LNPEP: variants seen among roughly 807,000 people sequenced by gnomAD.
LNPEP encodes the protein leucyl and cystinyl aminopeptidase.
A neutral mutation model predicts 120.6 loss-of-function variants in LNPEP; 64 were observed. The ratio of observed to expected loss-of-function variants is 0.53; its 90% CI spans 0.43 to 0.65. LNPEP has a LOEUF of 0.65. Ranked by LOEUF, LNPEP falls within the 30% of genes least tolerant of loss-of-function variation. The pLI, the probability that LNPEP is intolerant of heterozygous loss-of-function variation, is 0.00. For synonymous variants in LNPEP, 435 were observed against 425.4 expected (o/e 1.02, Z -0.28); for missense variants, 1,057 against 1,200.0 (o/e 0.88, Z 1.76).
In LNPEP at chr5:97,006,422, T is replaced by C. The variant is rs1198299238; in HGVS notation, c.1947-5T>C. The C allele has an allele frequency of 2.6e-6, 4 of 1,535,316 alleles. No homozygotes were observed. Among genetic ancestry groups the C allele is most frequent in the Non-Finnish European group, 3.6e-6 (4 of 1,122,642 alleles). On this transcript the variant is annotated splice_region_variant and splice_polypyrimidine_tract_variant and intron_variant, in intron 10 of 17. Transcript: ENST00000231368. ...AACTAATTTTCCAATGTTTTCTCTT[T>C]ACAGCTACCTGTGGCATATTCCACT...
At position 96,993,963 on chromosome 5, in the gene LNPEP, G is replaced by A. The variant is rs759290846; in HGVS notation, c.1399G>A (p.Ala467Thr). The change falls in exon 6 of 18, where the codon GCC (alanine) becomes ACC (threonine). Residue 467 changes from alanine to threonine, a missense_variant. Coordinates refer to ENST00000231368, the MANE Select transcript of LNPEP (RefSeq NM_005575.3). ...GACTAAAATCATTGCTCATGAGCTGGCCCACCAGGTATTAGCAACCAAGGC... is the reference window on the plus strand; with the variant it reads ...GACTAAAATCATTGCTCATGAGCTGACCCACCAGGTATTAGCAACCAAGGC... ...LVTKIIAHEL[A>T]HQWFGNLVTM... 9 of 1,613,480 alleles carry A rather than the reference G, an allele frequency of 5.6e-6. No homozygotes were observed. In the Admixed American group the frequency reaches 1.3e-4, roughly 24 times the overall value.
In LNPEP at chr5:96,993,853, T is replaced by C. The variant is rs758290092; in HGVS notation, c.1289T>C (p.Met430Thr). Residue 430 changes from methionine to threonine, a missense_variant, in exon 6 of 18, where the codon ATG (methionine) becomes ACG (threonine). Transcript: ENST00000231368. ...ATTCCTGACTTTGAAGCAGGAGCAA[T>C]GGAAAATTGGGGTTTGCTCACCTTC... ...VAIPDFEAGAMENWGLLTFRE... is the reference protein window; with the variant it reads ...VAIPDFEAGATENWGLLTFRE... The C allele has an allele frequency of 9.9e-6, 16 of 1,613,798 alleles. No homozygotes were observed. In the Middle Eastern group the frequency reaches 1.2e-3, roughly 117 times the overall value.
chr5:97,013,999 A>G (rs898451780), intron 12 of LNPEP, among the ~76,000 whole-genome samples, 168 bp downstream of exon 12: 3 of 152,204 alleles, frequency 2.0e-5, no homozygotes, highest in African/African-American at 7.2e-5. Flanking sequence ...TTTATAAAAC[A>G]TTAGCTACGA....
intron 1 of LNPEP, chr5:96,958,864 C>T (rs1411370191): frequency 7.8e-6 from 1 of 127,768 alleles, no homozygotes; most frequent in African/African-American, 3.0e-5. Flanking sequence ...GAGTCTCACT[C>T]TGTCACCAGG....
At chr5:97,008,334 C>CTTTTTTTTTTTTTTTTTTTTT (rs1561450377) in intron 11 of LNPEP, among the ~76,000 whole-genome samples, 1 of 48,654 alleles carries the variant, frequency 2.1e-5, no homozygotes, top group African/African-American at 8.2e-5. Context: ...TTTGTTTTTT[C>CTTTTTTTTTTTTTTTTTTTTT]TTGTTTTTTT....
chr5:96,998,109 A>C lies in LNPEP; in HGVS notation c.1617A>C (p.Gln539His). 7.5e-6 allele frequency: 12 copies of C among 1,596,974 alleles called. No homozygotes were observed. Among genetic ancestry groups the C allele is most frequent in the Non-Finnish European group, 8.5e-6 (10 of 1,170,134 alleles). ...CATCATCTGTTCAGTCTTCAGAACA[A>C]ATTGAAGAAATGTTTGATTCTCTTT... ...PISSSVQSSE[Q>H]IEEMFDSLSY... The change falls in exon 8 of 18, where the codon CAA becomes CAC. Residue 539 changes from glutamine to histidine, a missense_variant. Gln to His is a conservative substitution (Grantham distance 24, BLOSUM62 0). Coordinates refer to ENST00000231368, the MANE Select transcript of LNPEP (RefSeq NM_005575.3).
chr5:97,028,303 C>A, intron 17 of LNPEP, 99 bp from the exon 18 acceptor site: 1 of 1,061,250 alleles, frequency 9.4e-7, no homozygotes, highest in Non-Finnish European at 1.4e-6. Flanking sequence ...AAGATAGCAG[C>A]ACAGCCATCA....
intron 1 of LNPEP, among the ~76,000 whole-genome samples, chr5:96,951,083 A>G (rs1268985349): frequency 2.0e-5 from 3 of 152,090 alleles, no homozygotes; most frequent in South Asian, 2.1e-4. Context: ...GTGTCCTCAC[A>G]TGGTCTTTGT....
At chr5:96,981,706 G>C (rs530424154) in intron 2 of LNPEP, among the ~76,000 whole-genome samples, 2 of 152,266 alleles carry the variant, frequency 1.3e-5, no homozygotes, top group African/African-American at 4.8e-5. Flanking sequence ...GACACCTTGC[G>C]TAGACACTGC....
At chr5:96,962,209 G>GGGACTTGATTTGACATTCCT (rs1789623118) in intron 1 of LNPEP, among the ~76,000 whole-genome samples, 1 of 152,178 alleles carries the variant, frequency 6.6e-6, no homozygotes, top group East Asian at 1.9e-4. Context: ...GTTGGAACTA[G>GGGACTTGATTTGACATTCCT]GGACTTGATT....
chr5:96,990,440 A>G (rs1412425974), intron 4 of LNPEP, among the ~76,000 whole-genome samples: 1 of 152,188 alleles, frequency 6.6e-6, no homozygotes, highest in Admixed American at 6.5e-5. Flanking sequence ...TTAATTGGTT[A>G]ACTCCAGTTC....
chr5:97,005,249 T>A (rs1218222187), intron 9 of LNPEP, among the ~76,000 whole-genome samples: 1 of 152,204 alleles, frequency 6.6e-6, no homozygotes, highest in Non-Finnish European at 1.5e-5. Flanking sequence ...ACATCATGAC[T>A]TTGTTGCTTA....
intron 1 of LNPEP, among the ~76,000 whole-genome samples, chr5:96,944,461 C>T: frequency 6.7e-6 from 1 of 150,206 alleles, no homozygotes; most frequent in Non-Finnish European, 1.5e-5. Context: ...GTAAAGTGTA[C>T]ATTGGCTCAG....
rs562596232 is a variant in LNPEP, at chr5:97,032,977, T to C, written c.*4444T>C. On this transcript the variant is annotated 3_prime_UTR_variant, in exon 18 of 18. Coordinates refer to ENST00000231368, the MANE Select transcript of LNPEP (RefSeq NM_005575.3). ...TTCCTTGTATGGATGCATATATACT[T>C]AATGAAAATTGAGGTTCAGAGTATG... 1 of 152,340 alleles carries C rather than the reference T, an allele frequency of 6.6e-6. No homozygotes were observed. The highest frequency in any genetic ancestry group is 2.4e-5 in the African/African-American group (1 of 41,582). The allele number at this position is 152,340 out of a possible 1,614,324, so 9.4% of individuals were successfully genotyped here. A position where few individuals can be genotyped will look rare whatever the true frequency, so the allele number is the denominator to read the frequency against.
Position 97,006,149 on chromosome 5 carries a change from T to A in LNPEP, c.1862T>A (p.Val621Asp). ...TLQKGFPLVTVQKKGKELFIQ... is the reference protein window; with the variant it reads ...TLQKGFPLVTDQKKGKELFIQ... ...CAGAAAGGATTTCCTTTAGTGACTG[T>A]TCAAAAGAAAGGAAAGGAACTTTTT... Residue 621 changes from valine (V) to aspartate (D), a missense_variant, in exon 10 of 18, where the codon GTT becomes GAT. Coordinates refer to ENST00000231368, the MANE Select transcript of LNPEP (RefSeq NM_005575.3). The A allele has an allele frequency of 6.3e-7, 1 of 1,599,898 alleles. No homozygotes were observed. The highest frequency in any genetic ancestry group is 8.5e-7 in the Non-Finnish European group (1 of 1,171,154).
chr5:96,966,491 CTCTG>C (rs974119958), intron 1 of LNPEP, among the ~76,000 whole-genome samples: 2 of 147,332 alleles, frequency 1.4e-5, no homozygotes, highest in Non-Finnish European at 3.0e-5. Context: ...CAGAGTGAGA[CTCTG>C]TCTTACATAT....
intron 1 of LNPEP, among the ~76,000 whole-genome samples, chr5:96,978,355 G>A (rs990454423): frequency 6.6e-6 from 1 of 151,874 alleles, no homozygotes; most frequent in Admixed American, 6.6e-5. Context: ...GTTTCCCATG[G>A]AAATATGTTG....
At position 96,993,964 on chromosome 5, in the gene LNPEP, C is replaced by T; in HGVS notation, c.1400C>T (p.Ala467Val). 1 of 1,613,504 alleles carries T rather than the reference C, an allele frequency of 6.2e-7. No homozygotes were observed. Among genetic ancestry groups the T allele is most frequent in the South Asian group, 1.1e-5 (1 of 91,040 alleles). The change falls in exon 6 of 18, where the codon GCC becomes GTC. Residue 467 changes from alanine to valine, a missense_variant. By Grantham distance (64) the Ala-to-Val change is moderately conservative (BLOSUM62 0). Transcript: ENST00000231368. The part of the protein sequence containing the change: ...LVTKIIAHEL[A>V]HQWFGNLVTM... ...ACTAAAATCATTGCTCATGAGCTGGCCCACCAGGTATTAGCAACCAAGGCT... is the reference window on the plus strand; with the variant it reads ...ACTAAAATCATTGCTCATGAGCTGGTCCACCAGGTATTAGCAACCAAGGCT...
At chr5:96,969,654 G>A (rs73135415) in intron 1 of LNPEP, among the ~76,000 whole-genome samples, 6,168 of 151,842 alleles carry the variant, frequency 0.041, 407 homozygotes, top group African/African-American at 0.14. Flanking sequence ...AGTTAGAGCC[G>A]TCCACACTAC....
Sources: gnomAD v4.1 joint callset for allele counts (sites outside exome capture counted in the v4.1 genomes callset) on GRCh38, gnomAD v4.1.1 for gene constraint, MANE v1.5 for transcripts, NCBI Gene and HGNC (gene_info 2026-07-23, HGNC 2026-07-21) for gene names.